Variants in ERC2 observed in about 807,000 individuals in gnomAD.
ERC2 encodes ELKS/RAB6-interacting/CAST family member 2.
In ERC2, 42 loss-of-function variants were observed where a neutral mutation model predicts 114.8. The observed-to-expected ratio is 0.37, with a 90% CI of 0.29 to 0.47. The LOEUF (loss-of-function observed/expected upper bound fraction) is 0.47, where lower values mean the gene tolerates loss of function less well. Ranked by LOEUF, ERC2 falls within the 20% of genes least tolerant of loss-of-function variation. ERC2 has a pLI of 0.99. For missense variants in ERC2, 939 were observed against 1,150.7 expected (o/e 0.82, Z 2.66); for synonymous variants, 454 against 425.5 (o/e 1.07, Z -0.82).
At chr3:56,331,364 A>G (rs2057606705) in intron 2 of ERC2, among the ~76,000 whole-genome samples, 1 of 151,554 alleles carries the variant, frequency 6.6e-6, no homozygotes, top group Non-Finnish European at 1.5e-5. Flanking sequence ...TCCTCACTCT[A>G]CTCACTGGCT....
At chr3:56,107,549 C>T (rs1335770737) in intron 6 of ERC2, among the ~76,000 whole-genome samples, 2 of 152,108 alleles carry the variant, frequency 1.3e-5, no homozygotes, top group African/African-American at 4.8e-5. Context: ...AGACCCTGTC[C>T]ACCTCTGATA....
In ERC2 at chr3:56,013,911, G is replaced by T. The variant is rs546086327; in HGVS notation, c.1780-3322C>A. 7.3e-4 allele frequency among the ~76,000 whole-genome samples: 111 copies of T among 152,228 alleles called. 1 individual carries two copies. The highest frequency in any genetic ancestry group is 2.6e-3 in the African/African-American group (106 of 41,554). On this transcript the variant is annotated intron_variant, in intron 8 of 17. Transcript: ENST00000288221. The stretch of plus-strand genomic sequence containing the variant: ...TAAGATTATTTGGATATATACAAAG[G>T]TTTGATGCATACTGGAATACTTAGA...
intron 15 of ERC2, among the ~76,000 whole-genome samples, chr3:55,722,420 A>AC (rs1249912194): frequency 6.6e-6 from 1 of 151,864 alleles, no homozygotes; most frequent in East Asian, 1.9e-4. Flanking sequence ...CTCACCCCCC[A>AC]CTTGGCTGGA....
In ERC2 at chr3:55,766,295, C is replaced by A. The variant is rs2067785696; in HGVS notation, c.2565-31377G>T. ...CAAGAAAAAAAAAAAAAAAAAGGAT[C>A]AAGGACCCAAACAAAATAATAGGGG... On this transcript the variant is annotated intron_variant, in intron 14 of 17. Coordinates refer to ENST00000288221, the MANE Select transcript of ERC2 (RefSeq NM_015576.3). 4.0e-5 allele frequency among the ~76,000 whole-genome samples: 6 copies of A among 148,852 alleles called. No individual in the cohort carries two copies. In the South Asian group the frequency reaches 8.5e-4, roughly 21 times the overall value.
At chr3:56,035,871 C>T (rs2074762120) in intron 7 of ERC2, among the ~76,000 whole-genome samples, 1 of 152,110 alleles carries the variant, frequency 6.6e-6, no homozygotes, top group Non-Finnish European at 1.5e-5. Flanking sequence ...ACAAGGCCAG[C>T]ATTACCCTGA....
At chr3:55,838,367 A>G (rs1559741461) in intron 14 of ERC2, among the ~76,000 whole-genome samples, 1 of 152,152 alleles carries the variant, frequency 6.6e-6, no homozygotes, top group African/African-American at 2.4e-5. Context: ...TTTTCTGACC[A>G]TAATAGAATA....
intron 6 of ERC2, among the ~76,000 whole-genome samples, chr3:56,120,688 T>A (rs2079524936): frequency 6.6e-6 from 1 of 152,206 alleles, no homozygotes; most frequent in Non-Finnish European, 1.5e-5. Context: ...TGATATAGTA[T>A]CCTGTGATGC....
chr3:55,741,406 G>T (rs1295846748), intron 14 of ERC2, among the ~76,000 whole-genome samples: 1 of 151,884 alleles, frequency 6.6e-6, no homozygotes, highest in Admixed American at 6.6e-5. Context: ...AGTTTAAAGA[G>T]TATACCAGTG....
At chr3:56,410,047 G>A (rs896036351) in intron 2 of ERC2, among the ~76,000 whole-genome samples, 3 of 152,314 alleles carry the variant, frequency 2.0e-5, no homozygotes, top group African/African-American at 7.2e-5. Context: ...TTAAAATGAA[G>A]CCTCATTACC....
chr3:56,323,065 T>G (rs539566985), intron 2 of ERC2, among the ~76,000 whole-genome samples: 1 of 152,172 alleles, frequency 6.6e-6, no homozygotes, highest in African/African-American at 2.4e-5. Flanking sequence ...CCCTTCTGTT[T>G]TCTGCTGTGA....
chr3:56,076,862 A>T (rs1391681918), intron 7 of ERC2, among the ~76,000 whole-genome samples: 1 of 152,332 alleles, frequency 6.6e-6, no homozygotes, highest in African/African-American at 2.4e-5. Context: ...AGAGCTCTGA[A>T]GGCAAAGCTG....
At chr3:55,609,619 A>C (rs1199522860) in intron 17 of ERC2, among the ~76,000 whole-genome samples, 2 of 152,146 alleles carry the variant, frequency 1.3e-5, no homozygotes, top group African/African-American at 2.4e-5. Flanking sequence ...TGGAGAAAGC[A>C]GGAAGAGCGC....
chr3:55,533,751 C>T (rs887498464), intron 17 of ERC2, among the ~76,000 whole-genome samples: 5 of 152,180 alleles, frequency 3.3e-5, no homozygotes, highest in African/African-American at 1.2e-4. Flanking sequence ...GTCTCAGACC[C>T]GCTCCTTGCT....
intron 16 of ERC2, among the ~76,000 whole-genome samples, chr3:55,685,383 T>C (rs551517745): frequency 1.3e-5 from 2 of 152,350 alleles, no homozygotes; most frequent in African/African-American, 4.8e-5. Context: ...GGCCTTCTTA[T>C]GTAAAAATTA....
intron 1 of ERC2, among the ~76,000 whole-genome samples, chr3:56,444,002 G>A (rs528530718): frequency 2.6e-5 from 3 of 115,314 alleles, no homozygotes; most frequent in Non-Finnish European, 1.6e-5. Flanking sequence ...TCACTGTGTC[G>A]CCCAGGCTGG....
At chr3:55,986,484 T>C (rs1366710526) in intron 11 of ERC2, among the ~76,000 whole-genome samples, 1 of 152,236 alleles carries the variant, frequency 6.6e-6, no homozygotes, top group East Asian at 1.9e-4. Flanking sequence ...CCTTCATCCT[T>C]GAAAACCAAA....
chr3:56,440,314 C>G (rs1388298719), intron 1 of ERC2, among the ~76,000 whole-genome samples: 2 of 152,056 alleles, frequency 1.3e-5, no homozygotes, highest in African/African-American at 2.4e-5. Flanking sequence ...GAGGCCGAGG[C>G]GGGTGGATCA....
chr3:56,013,720 G>A (rs1450165234), intron 8 of ERC2, among the ~76,000 whole-genome samples: 4 of 152,128 alleles, frequency 2.6e-5, no homozygotes, highest in African/African-American at 9.7e-5. Context: ...AAATGGAAGA[G>A]CATAGATTTA....
At chr3:55,851,095 G>A (rs142236787) in intron 14 of ERC2, among the ~76,000 whole-genome samples, 3 of 152,064 alleles carry the variant, frequency 2.0e-5, no homozygotes, top group Admixed American at 2.0e-4. Flanking sequence ...TTCAGAGACT[G>A]CAGAGACTGC....
Sources: allele counts gnomAD v4.1 joint callset (sites outside exome capture counted in the v4.1 genomes callset), GRCh38; gene constraint gnomAD v4.1.1; transcripts MANE v1.5; gene names NCBI Gene and HGNC (gene_info 2026-07-23, HGNC 2026-07-21).